The following TTC34 variants were observed in gnomAD, a reference collection of about 807,000 sequenced individuals.
TTC34 encodes tetratricopeptide repeat protein 34.
Under a neutral mutation model 40.7 loss-of-function variants are expected in TTC34, and 44 were observed. The observed-to-expected ratio is 1.08, with a 90% confidence interval of 0.85 to 1.39. TTC34 has a LOEUF of 1.39. TTC34 is among the 40% of genes most tolerant of loss of function. The pLI, the probability that TTC34 is intolerant of heterozygous loss-of-function variation, is 0.00. For synonymous variants in TTC34, 422 were observed against 398.6 expected, an observed-to-expected ratio of 1.06 and a Z score of -0.70; for missense variants, 884 against 838.0, an observed-to-expected ratio of 1.05 and a Z score of -0.68.
intron 6 of TTC34, among the ~76,000 whole-genome samples, chr1:2,675,161 C>T (rs1422236083): frequency 7.1e-6 from 1 of 140,570 alleles, no homozygotes. Flanking sequence ...GCACCCACAC[C>T]CCCAGGGGAG....
At chr1:2,751,444 G>GC (rs1641316239) in intron 6 of TTC34, among the ~76,000 whole-genome samples, 1 of 22,140 alleles carries the variant, frequency 4.5e-5, no homozygotes, top group Non-Finnish European at 8.8e-5. Flanking sequence ...ACAGAGCCCA[G>GC]ACCCCCAGGT....
chr1:2,638,483 G>GT (rs926028180), exon 9 of TTC34: 62 of 152,364 alleles, frequency 4.1e-4, no homozygotes, highest in Middle Eastern at 3.4e-3. Context: ...TGTCCCTGGT[G>GT]TAACGTCGAG....
chr1:2,750,688 C>G (rs1641289042), intron 6 of TTC34, among the ~76,000 whole-genome samples: 25 of 152,046 alleles, frequency 1.6e-4, no homozygotes, highest in African/African-American at 5.5e-4. Flanking sequence ...ACCCTGCACC[C>G]CCAAGTGAGC....
At chr1:2,782,982 A>G (rs1643509081) in intron 6 of TTC34, among the ~76,000 whole-genome samples, 1 of 152,176 alleles carries the variant, frequency 6.6e-6, no homozygotes, top group African/African-American at 2.4e-5. Context: ...AACAGAAACC[A>G]TCTTCCAGCA....
chr1:2,756,886 G>C (rs1301147723), intron 6 of TTC34, among the ~76,000 whole-genome samples: 419 of 44,106 alleles, frequency 9.5e-3, no homozygotes, highest in Middle Eastern at 0.024. Flanking sequence ...AGCATCTGAT[G>C]GTCTGGAGCA....
At chr1:2,671,872 C>A (rs113740124) in intron 6 of TTC34, among the ~76,000 whole-genome samples, 6,008 of 107,988 alleles carry the variant, frequency 0.056, no homozygotes, top group Non-Finnish European at 0.088. Context: ...CACCCACACC[C>A]CCAGGCGAGC....
intron 8 of TTC34, among the ~76,000 whole-genome samples, chr1:2,643,925 C>T (rs1053649724): frequency 1.3e-5 from 2 of 152,248 alleles, no homozygotes; most frequent in Admixed American, 1.3e-4. Flanking sequence ...TCCCGGCCTG[C>T]CATGGGTTTG....
chr1:2,683,247 G>C (rs1640157814), intron 6 of TTC34, among the ~76,000 whole-genome samples: 1 of 148,460 alleles, frequency 6.7e-6, no homozygotes, highest in East Asian at 2.0e-4. Flanking sequence ...GTGAGCATCT[G>C]ATGGTTTGCA....
intron 6 of TTC34, among the ~76,000 whole-genome samples, chr1:2,677,637 A>T (rs1570792826): frequency 4.0e-4 from 61 of 151,082 alleles, no homozygotes; most frequent in African/African-American, 4.9e-4. Flanking sequence ...GACAGCCTGG[A>T]ACAGCACACA....
At chr1:2,788,589 C>T (rs1158558506) in intron 3 of TTC34, among the ~76,000 whole-genome samples, 1 of 152,184 alleles carries the variant, frequency 6.6e-6, no homozygotes, top group Non-Finnish European at 1.5e-5. Context: ...AGGGATTCAC[C>T]CACTGGGCTT....
chr1:2,794,254 G>A (rs1028239727), intron 2 of TTC34, among the ~76,000 whole-genome samples: 2 of 152,152 alleles, frequency 1.3e-5, no homozygotes, highest in Admixed American at 1.3e-4. Flanking sequence ...GGTTCCTCCT[G>A]TTTCAGCCTC....
At chr1:2,652,246 C>A (rs200876930) in intron 6 of TTC34, among the ~76,000 whole-genome samples, 299 of 5,966 alleles carry the variant, frequency 0.05, no homozygotes, top group African/African-American at 0.088. Flanking sequence ...GCACCCACAC[C>A]CCCAGGTGAG....
At chr1:2,773,106 G>A (rs542988554) in intron 6 of TTC34, among the ~76,000 whole-genome samples, 1 of 143,992 alleles carries the variant, frequency 6.9e-6, no homozygotes, top group Admixed American at 6.8e-5. Context: ...ACCCCCAGGC[G>A]AGCATCTGAC....
chr1:2,764,452 G>C (rs1259593403), intron 6 of TTC34, among the ~76,000 whole-genome samples: 4 of 143,904 alleles, frequency 2.8e-5, no homozygotes, highest in Non-Finnish European at 6.0e-5. Context: ...GCCTGGGGCA[G>C]TGCCCACAGC....
chr1:2,776,570 G>A (rs1342887264), intron 6 of TTC34: 1 of 34,768 alleles, frequency 2.9e-5, no homozygotes, highest in Non-Finnish European at 4.9e-5. Context: ...CACACCCCAG[G>A]CAAAAATCTG....
intron 6 of TTC34, among the ~76,000 whole-genome samples, chr1:2,673,374 G>C (rs77486300): frequency 2.1e-3 from 101 of 47,074 alleles, no homozygotes; most frequent in African/African-American, 3.6e-3. Context: ...GAGCATCTGA[G>C]GGCCTGGGTC....
intron 4 of TTC34, among the ~76,000 whole-genome samples, 173 bp downstream of exon 4, chr1:2,787,308 C>T (rs1643603074): frequency 6.6e-6 from 1 of 152,226 alleles, no homozygotes; most frequent in East Asian, 1.9e-4. Context: ...GATAAGGAGA[C>T]TGAGGGTCAG....
At chr1:2,752,653 C>A (rs1212091090) in intron 6 of TTC34, among the ~76,000 whole-genome samples, 7 of 138,848 alleles carry the variant, frequency 5.0e-5, no homozygotes, top group East Asian at 2.3e-4. Context: ...GCACACACAC[C>A]CCCAGGCGAG....
chr1:2,767,755 A>G (rs1381535049), intron 6 of TTC34, among the ~76,000 whole-genome samples: 2 of 139,820 alleles, frequency 1.4e-5, no homozygotes, highest in East Asian at 4.6e-4. Flanking sequence ...AGAATAAAGC[A>G]GCACCCTGCA....
Sources: gnomAD v4.1 joint callset for allele counts (sites outside exome capture counted in the v4.1 genomes callset) on GRCh38, gnomAD v4.1.1 for gene constraint, MANE v1.5 for transcripts, NCBI Gene and HGNC (gene_info 2026-07-23, HGNC 2026-07-21) for gene names.